Variants in CCDC7 observed in about 807,000 individuals in gnomAD.
CCDC7 encodes the protein coiled-coil domain-containing protein 7.
A neutral mutation model predicts 196.9 loss-of-function variants in CCDC7; 183 were observed. The observed-to-expected ratio is 0.93, with a 90% CI of 0.82 to 1.05. The LOEUF (loss-of-function observed/expected upper bound fraction) is 1.05. Ranked by LOEUF, CCDC7 falls within the 50% of genes least tolerant of loss-of-function variation. CCDC7 has a pLI of 0.00. For synonymous variants in CCDC7, 525 were observed against 484.6 expected, an observed-to-expected ratio of 1.08 and a Z score of -1.10; for missense variants, 1,540 against 1,482.2, an observed-to-expected ratio of 1.04 and a Z score of -0.64.
intron 20 of CCDC7, among the ~76,000 whole-genome samples, chr10:32,641,108 G>C (rs1046155778): frequency 6.6e-6 from 1 of 152,084 alleles, no homozygotes; most frequent in East Asian, 1.9e-4. Flanking sequence ...TTCAACTTTG[G>C]TGAATCTGAC....
chr10:32,843,675 T>C (rs1211578508), intron 33 of CCDC7, among the ~76,000 whole-genome samples: 1 of 152,032 alleles, frequency 6.6e-6, no homozygotes, highest in African/African-American at 2.4e-5. Flanking sequence ...TTATCTCCCC[T>C]AAAATGCTCT....
At chr10:32,552,066 A>G (rs542260332) in intron 13 of CCDC7, among the ~76,000 whole-genome samples, 1 of 152,244 alleles carries the variant, frequency 6.6e-6, no homozygotes, top group Admixed American at 6.5e-5. Flanking sequence ...ATTGTTTTAT[A>G]AATTTGGGAC....
At chr10:32,472,892 G>A (rs929710105) in intron 7 of CCDC7, among the ~76,000 whole-genome samples, 2 of 152,182 alleles carry the variant, frequency 1.3e-5, no homozygotes, top group Middle Eastern at 3.4e-3. Flanking sequence ...CGCCATGCCC[G>A]GCATGTTTGA....
intron 25 of CCDC7, among the ~76,000 whole-genome samples, chr10:32,721,799 C>T (rs752939642): frequency 1.3e-5 from 2 of 152,044 alleles, no homozygotes; most frequent in Non-Finnish European, 2.9e-5. Flanking sequence ...TTGGTAGTGT[C>T]TGGACCCACC....
rs1002890407 is a variant in CCDC7, at chr10:32,852,082, G to C, written c.4021+150G>C. On this transcript the variant is annotated intron_variant, in intron 40 of 41. Transcript: ENST00000639629. The stretch of plus-strand genomic sequence containing the variant: ...TGTGAGTTAAGTGCACCTAACATTT[G>C]TTCATTCTTAGCAATGAGTAGTTGT... 5.4e-6 allele frequency: 4 copies of C among 735,572 alleles called. No individual in the cohort carries two copies. The East Asian group carries it at 1.2e-4, about 22-fold the overall frequency. The allele number at this position is 735,572 out of a possible 1,614,324, so 45.6% of individuals were successfully genotyped here. A position where few individuals can be genotyped will look rare whatever the true frequency, so the allele number is the denominator to read the frequency against.
At chr10:32,813,017 T>C (rs2087510680) in intron 30 of CCDC7, among the ~76,000 whole-genome samples, 1 of 152,178 alleles carries the variant, frequency 6.6e-6, no homozygotes, top group Admixed American at 6.5e-5. Context: ...TAGAATGCAG[T>C]TGTGGCATAT....
intron 30 of CCDC7, among the ~76,000 whole-genome samples, chr10:32,812,415 C>G (rs1375108198): frequency 6.6e-6 from 1 of 151,852 alleles, no homozygotes; most frequent in Non-Finnish European, 1.5e-5. Context: ...ATAACCATGT[C>G]TTTATTATTT....
chr10:32,876,249 A>G, intron 41 of CCDC7, 98 bp from the exon 43 acceptor site: 2 of 848,670 alleles, frequency 2.4e-6, no homozygotes, highest in Non-Finnish European at 3.7e-6. Context: ...TATATTATTC[A>G]TACATTCTGT....
chr10:32,583,286 T>C (rs1433935090), exon 17 of CCDC7: 2 of 1,231,138 alleles, frequency 1.6e-6, no homozygotes, highest in Non-Finnish European at 2.0e-6. Context: ...TTTTACCTCC[T>C]GTTCTTACAG....
At chr10:32,845,295 A>T in exon 34 of CCDC7, 1 of 1,575,366 alleles carries the variant, frequency 6.3e-7, no homozygotes, top group Non-Finnish European at 8.6e-7. Flanking sequence ...TAATAAAGGG[A>T]TCAATCAATG....
intron 18 of CCDC7, among the ~76,000 whole-genome samples, chr10:32,590,896 C>G (rs893014658): frequency 2.0e-5 from 3 of 152,038 alleles, no homozygotes; most frequent in Non-Finnish European, 4.4e-5. Context: ...TTCCCTCTTG[C>G]TGCTTTTAGG....
At chr10:32,761,000 G>T (rs192362474) in intron 28 of CCDC7, among the ~76,000 whole-genome samples, 1 of 151,978 alleles carries the variant, frequency 6.6e-6, no homozygotes. Flanking sequence ...TTAACAACTG[G>T]TATGGCAATA....
intron 18 of CCDC7, among the ~76,000 whole-genome samples, chr10:32,626,332 A>C (rs983488274): frequency 6.6e-6 from 1 of 151,960 alleles, no homozygotes; most frequent in African/African-American, 2.4e-5. Flanking sequence ...TTGAGCTTTA[A>C]AAATATATAT....
intron 18 of CCDC7, among the ~76,000 whole-genome samples, chr10:32,591,595 A>C (rs2059787999): frequency 6.6e-6 from 1 of 152,122 alleles, no homozygotes; most frequent in Non-Finnish European, 1.5e-5. Context: ...TCAAATCTAA[A>C]AATATATTAA....
chr10:32,742,290 C>G (rs1047582033), intron 28 of CCDC7, among the ~76,000 whole-genome samples: 1 of 152,150 alleles, frequency 6.6e-6, no homozygotes, highest in Non-Finnish European at 1.5e-5. Context: ...CTGTCAGCAT[C>G]CTGCACCAGA....
At chr10:32,514,176 A>G (rs2046669329) in intron 9 of CCDC7, 1 of 152,208 alleles carries the variant, frequency 6.6e-6, no homozygotes, top group East Asian at 1.9e-4. Context: ...TTGTATTTCT[A>G]TACACTAGCT....
chr10:32,704,935 G>T (rs1445646404), intron 24 of CCDC7, among the ~76,000 whole-genome samples: 1 of 152,146 alleles, frequency 6.6e-6, no homozygotes, highest in Non-Finnish European at 1.5e-5. Context: ...GCTAGGAAAG[G>T]GAATTCCCTG....
chr10:32,755,641 G>T (rs1046238874), intron 28 of CCDC7, among the ~76,000 whole-genome samples: 1 of 152,082 alleles, frequency 6.6e-6, no homozygotes, highest in Admixed American at 6.5e-5. Context: ...AAACCACAAA[G>T]ATGGGGAGAA....
At chr10:32,520,028 A>C (rs1589457990) in intron 11 of CCDC7, among the ~76,000 whole-genome samples, 1 of 152,082 alleles carries the variant, frequency 6.6e-6, no homozygotes, top group African/African-American at 2.4e-5. Flanking sequence ...AGTTCCATCT[A>C]TGTTGTTGCA....
Sources: gnomAD v4.1 joint callset for allele counts (sites outside exome capture counted in the v4.1 genomes callset) on GRCh38, gnomAD v4.1.1 for gene constraint, MANE v1.5 for transcripts, NCBI Gene and HGNC (gene_info 2026-07-23, HGNC 2026-07-21) for gene names.